Variants in RABEP1 observed in about 807,000 individuals in gnomAD.
RABEP1 encodes the protein rabaptin, RAB GTPase binding effector protein 1.
In RABEP1, 51 loss-of-function variants were observed where a neutral mutation model predicts 123.4. That is an observed-to-expected ratio of 0.41 (90% CI 0.33 to 0.52). The LOEUF (loss-of-function observed/expected upper bound fraction) is 0.52, where lower values mean the gene tolerates loss of function less well. RABEP1 is among the 20% of genes least tolerant of loss of function. The probability of loss-of-function intolerance (pLI) is 0.16; values close to 1 mark genes in which losing one functional copy is unlikely to be tolerated. For missense variants in RABEP1, 888 were observed against 996.3 expected, an observed-to-expected ratio of 0.89 and a Z score of 1.46; for synonymous variants, 347 against 355.2, an observed-to-expected ratio of 0.98 and a Z score of 0.26.
Position 5,317,626 on chromosome 17 carries a change from G to GATATATATATAT in RABEP1, c.163+8815_163+8826dup, listed in dbSNP as rs56165368. Among the ~76,000 whole-genome samples the GATATATATATAT allele has an allele frequency of 6.4e-3, 955 of 149,464 alleles. 5 individuals carry two copies. The highest frequency in any genetic ancestry group is 8.7e-3 in the East Asian group (44 of 5,082). ...AAGGAAAGGAATCCATACTGGAAAG[G>GATATATATATAT]ATATATATATATATATATATATGTA... is the stretch of plus-strand genomic sequence containing the variant. On this transcript the variant is annotated intron_variant, in intron 2 of 17. Coordinates refer to ENST00000537505, the MANE Select transcript of RABEP1 (RefSeq NM_004703.6).
intron 8 of RABEP1, among the ~76,000 whole-genome samples, chr17:5,355,330 C>A (rs1450904224): frequency 6.6e-6 from 1 of 152,212 alleles, no homozygotes; most frequent in Admixed American, 6.5e-5. Flanking sequence ...CATTGCCTTT[C>A]TGAGTATTGA....
chr17:5,298,225 A>T (rs1246754836), intron 1 of RABEP1, among the ~76,000 whole-genome samples: 2 of 152,328 alleles, frequency 1.3e-5, no homozygotes, highest in East Asian at 3.9e-4. Context: ...TTTATAGCTA[A>T]TGTGTAGCCT....
chr17:5,282,648 AGGCGGGGGCGCGCGGGCTGC>A (rs1362368394), intron 1 of RABEP1, 128 bp downstream of exon 1: 2 of 552,368 alleles, frequency 3.6e-6, no homozygotes, highest in Non-Finnish European at 4.6e-6. Flanking sequence ...CGCCGGGCGG[AGGCGGGGGCGCGCGGGCTGC>A]GGCGCGCGAG....
In RABEP1 at chr17:5,282,766, G is replaced by A. The variant is rs532146970; in HGVS notation, c.34+246G>A. Reference sequence around the variant, plus strand: ...TGCGGGAGGGCAGAGGGAAGGGCGTGGGGAGGCTGCTGGGTAGCGTGGGGT... The same window carrying A: ...TGCGGGAGGGCAGAGGGAAGGGCGTAGGGAGGCTGCTGGGTAGCGTGGGGT... On this transcript the variant is annotated intron_variant, in intron 1 of 17. Coordinates refer to ENST00000537505, the MANE Select transcript of RABEP1 (RefSeq NM_004703.6). Among the ~76,000 whole-genome samples the A allele has an allele frequency of 4.6e-5, 7 of 151,174 alleles. No individual in the cohort carries two copies. In the South Asian group the frequency reaches 1.2e-3, roughly 27 times the overall value.
At chr17:5,351,478 T>TA (rs1446043060) in intron 7 of RABEP1, among the ~76,000 whole-genome samples, 1 of 152,160 alleles carries the variant, frequency 6.6e-6, no homozygotes, top group Non-Finnish European at 1.5e-5. Flanking sequence ...GTTTTCCTCT[T>TA]ACACAACTAT....
At chr17:5,313,695 A>G (rs1260699319) in intron 2 of RABEP1, among the ~76,000 whole-genome samples, 1 of 152,172 alleles carries the variant, frequency 6.6e-6, no homozygotes, top group Non-Finnish European at 1.5e-5. Flanking sequence ...CTTTTTGTGT[A>G]CTGTTGTATC....
At chr17:5,331,434 G>A (rs146465379) in intron 2 of RABEP1, among the ~76,000 whole-genome samples, 2 of 152,272 alleles carry the variant, frequency 1.3e-5, no homozygotes, top group East Asian at 3.9e-4. Flanking sequence ...AAACCATGTA[G>A]TAGGCACATT....
chr17:5,323,048 C>CTGGGTGATGGAG (rs1905539990), intron 2 of RABEP1, among the ~76,000 whole-genome samples: 1 of 152,042 alleles, frequency 6.6e-6, no homozygotes, highest in South Asian at 2.1e-4. Flanking sequence ...GCACTCCAGC[C>CTGGGTGATGGAG]TGGGTGATGG....
chr17:5,330,213 A>G (rs934295163), intron 2 of RABEP1, among the ~76,000 whole-genome samples: 2 of 152,112 alleles, frequency 1.3e-5, no homozygotes, highest in Admixed American at 6.5e-5. Context: ...GGGTCTGTCT[A>G]TTTGCATGCC....
chr17:5,315,163 T>C (rs567835378), intron 2 of RABEP1, among the ~76,000 whole-genome samples: 23 of 152,352 alleles, frequency 1.5e-4, no homozygotes, highest in Admixed American at 1.0e-3. Flanking sequence ...TAGGAAGCTA[T>C]CTGTGGTTCC....
intron 1 of RABEP1, among the ~76,000 whole-genome samples, chr17:5,299,947 C>CACA (rs1251952637): frequency 1.5e-4 from 23 of 151,902 alleles, no homozygotes; most frequent in African/African-American, 5.6e-4. Context: ...CCAGGATGCT[C>CACA]TTGATCTCTT....
At chr17:5,319,361 A>C (rs1433866011) in intron 2 of RABEP1, among the ~76,000 whole-genome samples, 2 of 146,134 alleles carry the variant, frequency 1.4e-5, no homozygotes, top group African/African-American at 5.1e-5. Flanking sequence ...AAAAAAAAAA[A>C]ACATATATAT....
intron 9 of RABEP1, among the ~76,000 whole-genome samples, chr17:5,362,709 T>A (rs1309362650): frequency 3.3e-5 from 5 of 152,242 alleles, no homozygotes; most frequent in Admixed American, 1.3e-4. Flanking sequence ...ATAAATTGTG[T>A]CCCATGTGTC....
intron 5 of RABEP1, among the ~76,000 whole-genome samples, chr17:5,339,310 A>G (rs1258253398): frequency 6.6e-6 from 1 of 152,250 alleles, no homozygotes; most frequent in Non-Finnish European, 1.5e-5. Context: ...ACTTTATGTT[A>G]CTTGTAAGAG....
intron 5 of RABEP1, 103 bp downstream of exon 5, chr17:5,338,241 C>G (rs1010422808): frequency 1.0e-5 from 14 of 1,343,794 alleles, no homozygotes; most frequent in African/African-American, 3.0e-5. Context: ...GTAATTTAGA[C>G]TATGCATCTT....
intron 3 of RABEP1, among the ~76,000 whole-genome samples, chr17:5,334,386 C>CA (rs1906857856): frequency 6.6e-6 from 1 of 152,070 alleles, no homozygotes; most frequent in African/African-American, 2.4e-5. Context: ...TGCCTGTCAC[C>CA]ACGCCCAGCT....
chr17:5,309,415 C>A (rs2075213391), intron 2 of RABEP1, among the ~76,000 whole-genome samples: 1 of 151,934 alleles, frequency 6.6e-6, no homozygotes, highest in African/African-American at 2.4e-5. Flanking sequence ...TTTGGGAGGC[C>A]AACGGGCGGG....
At chr17:5,381,598 G>C in intron 17 of RABEP1, 93 bp downstream of exon 17, 2 of 1,486,466 alleles carry the variant, frequency 1.3e-6, no homozygotes, top group East Asian at 2.4e-5. Flanking sequence ...GCAGTAGCTA[G>C]AGGTTTAGAG....
chr17:5,373,472 T>A lies in RABEP1; in HGVS notation c.2025+18T>A, dbSNP rs1222528545. 6.3e-7 allele frequency: 1 copy of A among 1,579,308 alleles called. No homozygotes were observed. Among genetic ancestry groups the A allele is most frequent in the Non-Finnish European group, 8.6e-7 (1 of 1,163,670 alleles). ...CTACAGAGGTAACTTACTTTCCACA[T>A]GATCAAAAATGTCAACAAGTACGTT... On this transcript the variant is annotated intron_variant, in intron 13 of 17. Transcript: ENST00000537505.
Sources: gnomAD v4.1 joint callset for allele counts (sites outside exome capture counted in the v4.1 genomes callset) on GRCh38, gnomAD v4.1.1 for gene constraint, MANE v1.5 for transcripts, NCBI Gene and HGNC (gene_info 2026-07-23, HGNC 2026-07-21) for gene names.